Variants in DLG2 observed in about 807,000 individuals in gnomAD.
DLG2 encodes the protein disks large homolog 2.
DLG2 carries 45 observed loss-of-function variants against 132.5 expected under a neutral mutation model. The observed-to-expected ratio is 0.34, with a 90% CI of 0.27 to 0.44. The LOEUF is 0.44. DLG2 is among the 20% of genes least tolerant of loss of function. DLG2 has a pLI of 1.00. For missense variants in DLG2, 1,045 were observed against 1,196.9 expected, an observed-to-expected ratio of 0.87 and a Z score of 1.87; for synonymous variants, 424 against 419.6, an observed-to-expected ratio of 1.01 and a Z score of -0.13.
intron 2 of DLG2, among the ~76,000 whole-genome samples, chr11:85,603,620 A>G (rs1197843897): frequency 6.6e-6 from 1 of 150,412 alleles, no homozygotes; most frequent in Non-Finnish European, 1.5e-5. Context: ...TTATTCTTTT[A>G]AAGGGCAATT....
chr11:85,244,088 A>C (rs912798396), intron 4 of DLG2, among the ~76,000 whole-genome samples: 1 of 152,012 alleles, frequency 6.6e-6, no homozygotes, highest in Non-Finnish European at 1.5e-5. Flanking sequence ...ACATTTTCTC[A>C]AGTGTCATCC....
chr11:85,012,141 A>AACTCCATTTCTAC lies in DLG2; in HGVS notation c.357+99519_357+99520insGTAGAAATGGAGT, dbSNP rs1185767344. The stretch of plus-strand genomic sequence containing the variant: ...GTTCGAGACCAGCCTGACCAACATA[A>AACTCCATTTCTAC]TCTATGTGAAATGACCTAGATAAAA... On this transcript the variant is annotated intron_variant, in intron 6 of 27. Coordinates refer to ENST00000376104, the MANE Select transcript of DLG2 (RefSeq NM_001142699.3). Among the ~76,000 whole-genome samples the AACTCCATTTCTAC allele has an allele frequency of 3.5e-3, 89 of 25,710 alleles. 1 individual carries two copies. Among genetic ancestry groups the AACTCCATTTCTAC allele is most frequent in the African/African-American group, 7.7e-3 (19 of 2,474 alleles). 16.9% of individuals were successfully genotyped at this position (25,710 alleles called of 152,430 possible). A position where few individuals can be genotyped will look rare whatever the true frequency, so the allele number is the denominator to read the frequency against.
At chr11:84,433,196 T>G (rs1009074909) in intron 7 of DLG2, among the ~76,000 whole-genome samples, 1 of 152,190 alleles carries the variant, frequency 6.6e-6, no homozygotes, top group African/African-American at 2.4e-5. Flanking sequence ...CTTTTCATAA[T>G]GTGCACTAAA....
intron 6 of DLG2, among the ~76,000 whole-genome samples, chr11:85,031,979 T>TTTTTA (rs1555346351): frequency 1.3e-5 from 2 of 148,798 alleles, no homozygotes; most frequent in African/African-American, 2.5e-5. Flanking sequence ...TTTTTGTATT[T>TTTTTA]TCAGTAGAGG....
chr11:83,477,701 T>C (rs548346320), intron 22 of DLG2, among the ~76,000 whole-genome samples: 1 of 152,106 alleles, frequency 6.6e-6, no homozygotes, highest in East Asian at 1.9e-4. Context: ...TGGTAAAGTA[T>C]AACAGTGAAA....
chr11:83,573,955 T>TTGAG (rs2096837952), intron 19 of DLG2, among the ~76,000 whole-genome samples: 1 of 152,224 alleles, frequency 6.6e-6, no homozygotes, highest in African/African-American at 2.4e-5. Context: ...TGGTGAACTT[T>TTGAG]TGAGTCTCAT....
intron 6 of DLG2, among the ~76,000 whole-genome samples, chr11:84,901,390 G>A (rs1441386405): frequency 6.6e-6 from 1 of 152,054 alleles, no homozygotes; most frequent in East Asian, 1.9e-4. Context: ...AGATGCCATA[G>A]CCAAGTTACT....
At chr11:83,641,891 GTA>G (rs1555279530) in intron 18 of DLG2, among the ~76,000 whole-genome samples, 6 of 135,870 alleles carry the variant, frequency 4.4e-5, no homozygotes, top group Non-Finnish European at 8.2e-5. Flanking sequence ...GTGTGTGTGT[GTA>G]TGTGTGTTTG....
At chr11:85,250,532 G>A (rs1287646406) in intron 4 of DLG2, among the ~76,000 whole-genome samples, 1 of 151,950 alleles carries the variant, frequency 6.6e-6, no homozygotes, top group Admixed American at 6.6e-5. Flanking sequence ...TTTTTTAGTG[G>A]GAAAGGCTCT....
intron 6 of DLG2, among the ~76,000 whole-genome samples, chr11:84,954,641 G>A (rs1050567565): frequency 6.6e-6 from 1 of 152,222 alleles, no homozygotes; most frequent in South Asian, 2.1e-4. Context: ...ATCAGACATT[G>A]GTGTAGTCAT....
intron 8 of DLG2, among the ~76,000 whole-genome samples, chr11:84,232,948 A>G (rs974679404): frequency 2.0e-5 from 3 of 152,192 alleles, no homozygotes; most frequent in African/African-American, 4.8e-5. Context: ...GAAAATAACC[A>G]TTTAGGTGGG....
At chr11:83,922,093 T>C (rs1471014400) in intron 15 of DLG2, among the ~76,000 whole-genome samples, 3 of 152,152 alleles carry the variant, frequency 2.0e-5, no homozygotes, top group Non-Finnish European at 4.4e-5. Flanking sequence ...CATTACAAAA[T>C]GTTAACTGTG....
intron 6 of DLG2, among the ~76,000 whole-genome samples, chr11:85,080,286 G>A (rs1032500704): frequency 1.3e-5 from 2 of 151,966 alleles, no homozygotes; most frequent in Non-Finnish European, 2.9e-5. Context: ...AAGGAAAGAA[G>A]GTAATCTTTT....
At chr11:84,646,735 T>C in intron 6 of DLG2, among the ~76,000 whole-genome samples, 1 of 151,984 alleles carries the variant, frequency 6.6e-6, no homozygotes, top group Non-Finnish European at 1.5e-5. Context: ...CAAATATTAA[T>C]ATAAAGGTTA....
chr11:85,590,994 G>C (rs1166700823), intron 3 of DLG2, among the ~76,000 whole-genome samples: 1 of 152,090 alleles, frequency 6.6e-6, no homozygotes, highest in Non-Finnish European at 1.5e-5. Context: ...GAAACAACCA[G>C]CCTCATACTC....
chr11:85,524,043 C>T (rs912652710), intron 3 of DLG2, among the ~76,000 whole-genome samples: 3 of 152,062 alleles, frequency 2.0e-5, no homozygotes, highest in Non-Finnish European at 4.4e-5. Flanking sequence ...AACAACTGGA[C>T]TCATGGAGAT....
chr11:84,098,502 G>C (rs7935399), intron 10 of DLG2, among the ~76,000 whole-genome samples: 1 of 152,046 alleles, frequency 6.6e-6, no homozygotes, highest in African/African-American at 2.4e-5. Flanking sequence ...TAAACGCCTA[G>C]AGAAAGCCCT....
At chr11:83,921,104 G>A (rs2077797883) in intron 15 of DLG2, among the ~76,000 whole-genome samples, 2 of 152,114 alleles carry the variant, frequency 1.3e-5, no homozygotes, top group African/African-American at 4.8e-5. Context: ...TTCATCACCT[G>A]CAAAATGGGA....
intron 6 of DLG2, among the ~76,000 whole-genome samples, chr11:85,015,507 T>C (rs1473055618): frequency 6.6e-6 from 1 of 151,784 alleles, no homozygotes; most frequent in Non-Finnish European, 1.5e-5. Flanking sequence ...TAATCTTAAA[T>C]AAACTACCAG....
Sources: gnomAD v4.1 joint callset for allele counts (sites outside exome capture counted in the v4.1 genomes callset) on GRCh38, gnomAD v4.1.1 for gene constraint, MANE v1.5 for transcripts, NCBI Gene and HGNC (gene_info 2026-07-23, HGNC 2026-07-21) for gene names.